Variants in ROS1 observed in about 807,000 individuals in gnomAD.
ROS1 encodes ROS proto-oncogene 1, receptor tyrosine kinase, also known as proto-oncogene tyrosine-protein kinase ROS.
In ROS1, 263 loss-of-function variants were observed where a neutral mutation model predicts 273.5. The observed-to-expected ratio is 0.96, with a 90% CI of 0.87 to 1.06. The LOEUF is 1.06. Ranked by LOEUF, ROS1 falls within the 50% of genes least tolerant of loss-of-function variation. The pLI, the probability that ROS1 is intolerant of heterozygous loss-of-function variation, is 0.00. For synonymous variants in ROS1, 1,008 were observed against 954.1 expected (o/e 1.06, Z -1.04); for missense variants, 2,833 against 2,751.1 (o/e 1.03, Z -0.67).
chr6:117,409,598 A>G lies in ROS1; in HGVS notation c.300T>C (p.Tyr100=). The G allele has an allele frequency of 6.2e-7, 1 of 1,613,774 alleles. No homozygotes were observed. The highest frequency in any genetic ancestry group is 8.5e-7 in the Non-Finnish European group (1 of 1,179,794). ...EVGCSSAEGA[Y]EEEVLENADL... ...TCCTCTTACCCAGTACTTCCTCTTC[A>G]TATGCACCTTCCGCGCTGCTACAGC... The change falls in exon 5 of 44, where the codon TAT becomes TAC. Residue 100 remains tyrosine (Y), a synonymous_variant. Coordinates refer to ENST00000368507, the MANE Select transcript of ROS1 (RefSeq NM_001378902.1).
chr6:117,316,961 G>A (rs530066), intron 39 of ROS1, among the ~76,000 whole-genome samples, 182 bp downstream of exon 39: 20,640 of 152,062 alleles, frequency 0.14, 1,472 homozygotes, highest in South Asian at 0.16. Flanking sequence ...TGACCAGAAA[G>A]TGCCAGAATG....
At chr6:117,369,567 A>G (rs904209709) in intron 18 of ROS1, among the ~76,000 whole-genome samples, 12 of 151,704 alleles carry the variant, frequency 7.9e-5, no homozygotes, top group Admixed American at 7.9e-4. Context: ...GCGAGACTCC[A>G]TCTCAAAAAA....
intron 42 of ROS1, among the ~76,000 whole-genome samples, chr6:117,306,334 G>T (rs1775099829): frequency 6.6e-6 from 1 of 151,912 alleles, no homozygotes; most frequent in East Asian, 1.9e-4. Context: ...GTTCTCCCAC[G>T]GTTGCCTCCC....
intron 10 of ROS1, 98 bp downstream of exon 10, chr6:117,394,518 T>C: frequency 9.7e-7 from 1 of 1,028,786 alleles, no homozygotes; most frequent in Non-Finnish European, 1.3e-6. Flanking sequence ...TAAGAGAATA[T>C]GTTCCAGAAA....
chr6:117,299,086 C>T (rs1562247931), intron 43 of ROS1, among the ~76,000 whole-genome samples: 1 of 152,172 alleles, frequency 6.6e-6, no homozygotes, highest in Non-Finnish European at 1.5e-5. Flanking sequence ...TAAGAATCAG[C>T]TCTGTCCAGG....
intron 7 of ROS1, among the ~76,000 whole-genome samples, chr6:117,402,888 CAA>C (rs10617636): frequency 0.6 from 68,599 of 113,492 alleles, 18,424 homozygotes; most frequent in African/African-American, 0.74. Flanking sequence ...ACTCTGTCTC[CAA>C]AAAAAAAAAA....
chr6:117,416,124 A>AGTTTT lies in ROS1; in HGVS notation c.228+129_228+133dup, dbSNP rs1379255870. 7.8e-6 allele frequency: 5 copies of AGTTTT among 637,840 alleles called. No individual in the cohort carries two copies. The African/African-American group carries it at 9.2e-5, about 12-fold the overall frequency. 39.5% of individuals were successfully genotyped at this position (637,840 alleles called of 1,614,324 possible). ...GTATTATCCAGGCTATTGGTTTTTT[A>AGTTTT]GTTTTGTTTTGTTTTGTCTTAGGGT... On this transcript the variant is annotated intron_variant, in intron 3 of 43. Transcript: ENST00000368507.
At chr6:117,335,399 A>T (rs1348262768) in intron 32 of ROS1, among the ~76,000 whole-genome samples, 1 of 152,172 alleles carries the variant, frequency 6.6e-6, no homozygotes, top group Non-Finnish European at 1.5e-5. Context: ...TGGTAAAGTA[A>T]ATTATTTCAA....
At chr6:117,359,159 T>C (rs1779571685) in intron 24 of ROS1, among the ~76,000 whole-genome samples, 2 of 152,170 alleles carry the variant, frequency 1.3e-5, no homozygotes, top group Non-Finnish European at 2.9e-5. Context: ...GTCTCATCTT[T>C]GTTTCCAAGA....
intron 35 of ROS1, among the ~76,000 whole-genome samples, chr6:117,322,256 A>T (rs1776337904): frequency 6.6e-6 from 1 of 152,226 alleles, no homozygotes; most frequent in East Asian, 1.9e-4. Context: ...TAATTTTTCC[A>T]ACTTGAAATG....
chr6:117,399,303 A>G (rs541570050), intron 7 of ROS1, among the ~76,000 whole-genome samples: 1 of 152,240 alleles, frequency 6.6e-6, no homozygotes, highest in Non-Finnish European at 1.5e-5. Flanking sequence ...GTTGGATAAC[A>G]TATGGCATTG....
chr6:117,313,032 C>T (rs1222190018), intron 39 of ROS1, among the ~76,000 whole-genome samples: 1 of 152,040 alleles, frequency 6.6e-6, no homozygotes, highest in Non-Finnish European at 1.5e-5. Context: ...CACCTACTTC[C>T]TACTTTAAGT....
intron 39 of ROS1, among the ~76,000 whole-genome samples, chr6:117,314,838 G>A (rs141696587): frequency 1.3e-5 from 2 of 152,174 alleles, no homozygotes; most frequent in Non-Finnish European, 2.9e-5. Flanking sequence ...GGAAGAGCAG[G>A]GTCCCACCTA....
chr6:117,318,430 C>T (rs1401478770), intron 37 of ROS1, among the ~76,000 whole-genome samples, 178 bp from the exon 38 acceptor site: 1 of 152,056 alleles, frequency 6.6e-6, no homozygotes, highest in Non-Finnish European at 1.5e-5. Flanking sequence ...CCTGTTATTG[C>T]TAGTAGAAGA....
intron 18 of ROS1, among the ~76,000 whole-genome samples, chr6:117,372,498 C>G (rs116267652): frequency 1.3e-5 from 2 of 152,264 alleles, no homozygotes; most frequent in South Asian, 2.1e-4. Flanking sequence ...CACAGACCCT[C>G]GTGGTGAGCG....
intron 4 of ROS1, 91 bp from the exon 5 acceptor site, chr6:117,409,733 A>C: frequency 1.1e-6 from 1 of 901,894 alleles, no homozygotes; most frequent in Non-Finnish European, 1.8e-6. Flanking sequence ...CGAATGCCTA[A>C]TATGCAAGTA....
At chr6:117,310,371 A>G in intron 40 of ROS1, 90 bp from the exon 41 acceptor site, 1 of 949,958 alleles carries the variant, frequency 1.1e-6, no homozygotes, top group South Asian at 2.0e-5. Flanking sequence ...TCTGTAAAGA[A>G]GAGAAACTAT....
chr6:117,386,926 T>C lies in ROS1; in HGVS notation c.2073A>G (p.Pro691=). ...LWSKPLNSFG[P]GEFLSSDIGN... ...CTATATCAGAGGATAAGAACTCTCC[T>C]GGGCCAAAGCTATTTAATGGTTTAC... The change falls in exon 15 of 44, where the codon CCA becomes CCG. Residue 691 remains proline (P), a synonymous_variant. Transcript: ENST00000368507. 1 of 1,612,446 alleles carries C rather than the reference T, an allele frequency of 6.2e-7. No homozygotes were observed. Among genetic ancestry groups the C allele is most frequent in the Non-Finnish European group, 8.5e-7 (1 of 1,178,658 alleles).
At chr6:117,294,545 G>GT (rs1355700755) in intron 43 of ROS1, among the ~76,000 whole-genome samples, 1 of 152,102 alleles carries the variant, frequency 6.6e-6, no homozygotes, top group Non-Finnish European at 1.5e-5. Context: ...TTGCATCTGT[G>GT]TTCATCAGGG....
Sources: allele counts gnomAD v4.1 joint callset (sites outside exome capture counted in the v4.1 genomes callset), GRCh38; gene constraint gnomAD v4.1.1; transcripts MANE v1.5; gene names NCBI Gene and HGNC (gene_info 2026-07-23, HGNC 2026-07-21).